Variants in IL13RA1 observed in about 807,000 individuals in gnomAD.
The protein encoded by IL13RA1 is interleukin-13 receptor subunit alpha-1.
Under a neutral mutation model 33.8 loss-of-function variants are expected in IL13RA1, and 14 were observed. The observed-to-expected ratio is 0.41, with a 90% CI of 0.27 to 0.65. IL13RA1 has a LOEUF of 0.65. Ranked by LOEUF, IL13RA1 falls within the 30% of genes least tolerant of loss-of-function variation. IL13RA1 has a pLI of 0.28. For missense variants in IL13RA1, 313 were observed against 327.0 expected (o/e 0.96, Z 0.33); for synonymous variants, 116 against 115.7 (o/e 1.00, Z -0.02).
In IL13RA1 at chrX:118,727,738, C is replaced by T. The variant is rs2017169693; in HGVS notation, c.88+12C>T. On this transcript the variant is annotated intron_variant, in intron 1 of 10. Transcript: ENST00000371666. ...CGCCGCGCCTACGGGTGAGTGCGAC[C>T]CTCGGGGCCCGAGGGGCGGCCGGAG... is the stretch of plus-strand genomic sequence containing the variant. 6.2e-6 allele frequency: 5 copies of T among 810,546 alleles called. No individual in the cohort carries two copies. Among genetic ancestry groups the T allele is most frequent in the South Asian group, 6.9e-5 (1 of 14,506 alleles). 66.8% of individuals were successfully genotyped at this position (810,546 alleles called of 1,213,427 possible). A position where few individuals can be genotyped will look rare whatever the true frequency, so the allele number is the denominator to read the frequency against.
At chrX:118,745,397 G>A (rs748123542) in intron 2 of IL13RA1, among the ~76,000 whole-genome samples, 1 of 111,562 alleles carries the variant, frequency 9.0e-6, no homozygotes, top group Non-Finnish European at 1.9e-5. Context: ...CTGCCTGTCA[G>A]GATTTTGCTC....
chrX:118,760,898 A>G (rs940119776), intron 5 of IL13RA1, among the ~76,000 whole-genome samples: 1 of 112,463 alleles, frequency 8.9e-6, no homozygotes, highest in African/African-American at 3.2e-5. Context: ...TGTCTACATT[A>G]CTTATAATAC....
chrX:118,776,493 C>A lies in IL13RA1; in HGVS notation c.1173C>A (p.Asp391Glu). Residue 391 changes from aspartate to glutamate, a missense_variant, in exon 10 of 11, where the codon GAC (aspartate) becomes GAA (glutamate). Physicochemically the swap from Asp to Glu is conservative, Grantham distance 45 (BLOSUM62 2). Coordinates refer to ENST00000371666, the MANE Select transcript of IL13RA1 (RefSeq NM_001560.3). ...PGKIFKEMFG[D>E]QNDDTLHWKK... ...AGATTTTTAAAGAAATGTTTGGAGA[C>A]CAGAATGATGATACTCTGGTAAGAA... The A allele has an allele frequency of 1.2e-6, 1 of 846,606 alleles. No homozygotes were observed. The highest frequency in any genetic ancestry group is 1.8e-6 in the Non-Finnish European group (1 of 568,960). The allele number at this position is 846,606 out of a possible 1,213,427, so 69.8% of individuals were successfully genotyped here. A position where few individuals can be genotyped will look rare whatever the true frequency, so the allele number is the denominator to read the frequency against.
At chrX:118,781,643 C>T (rs762709806) in intron 10 of IL13RA1, among the ~76,000 whole-genome samples, 2 of 112,903 alleles carry the variant, frequency 1.8e-5, no homozygotes, top group Non-Finnish European at 3.8e-5. Flanking sequence ...TGAGCCACCA[C>T]GCCCAGCCTC....
At chrX:118,742,488 A>G (rs1470456581) in intron 2 of IL13RA1, among the ~76,000 whole-genome samples, 1 of 112,461 alleles carries the variant, frequency 8.9e-6, no homozygotes, top group Non-Finnish European at 1.9e-5. Flanking sequence ...AACCCTGAGC[A>G]GAGGTTGCTT....
the IL13RA1 span, among the ~76,000 whole-genome samples, chrX:118,800,552 G>A: frequency 9.0e-6 from 1 of 111,025 alleles, no homozygotes; most frequent in African/African-American, 3.3e-5. Context: ...CTGAACATCA[G>A]AAGGGACAGA....
chrX:118,803,508 C>A, the IL13RA1 span, among the ~76,000 whole-genome samples: 1 of 111,681 alleles, frequency 9.0e-6, no homozygotes, highest in Non-Finnish European at 1.9e-5. Context: ...AACTGCAATA[C>A]CATTATCACA....
intron 2 of IL13RA1, among the ~76,000 whole-genome samples, chrX:118,741,786 G>A (rs1449290553): frequency 1.8e-5 from 2 of 110,848 alleles, no homozygotes; most frequent in African/African-American, 3.3e-5. Context: ...ACCTTCTTTC[G>A]GTGTGTATGT....
intron 10 of IL13RA1, among the ~76,000 whole-genome samples, chrX:118,784,109 ACG>A (rs1490593913): frequency 8.6e-4 from 44 of 51,311 alleles, no homozygotes; most frequent in East Asian, 6.5e-3. Flanking sequence ...ATATATATAT[ACG>A]TATATATGTA....
chrX:118,758,240 G>A lies in IL13RA1; in HGVS notation c.674G>A (p.Arg225His), dbSNP rs2017555102. Residue 225 changes from arginine to histidine, a missense_variant and splice_region_variant, in exon 5 of 11, where the codon CGT becomes CAT. Coordinates refer to ENST00000371666, the MANE Select transcript of IL13RA1 (RefSeq NM_001560.3). Reference sequence around the variant, plus strand: ...TTCAATATAGTGCCTTTAACTTCCCGTGGTAAGTTTTAGAAGTCCTCTAAA... The same window carrying A: ...TTCAATATAGTGCCTTTAACTTCCCATGGTAAGTTTTAGAAGTCCTCTAAA... ...PSFNIVPLTSRVKPDPPHIKN... is the reference protein window; with the variant it reads ...PSFNIVPLTSHVKPDPPHIKN... 4.0e-6 allele frequency: 4 copies of A among 994,064 alleles called. No individual in the cohort carries two copies. Among genetic ancestry groups the A allele is most frequent in the Non-Finnish European group, 4.2e-6 (3 of 715,148 alleles). 81.9% of individuals were successfully genotyped at this position (994,064 alleles called of 1,213,427 possible).
intron 4 of IL13RA1, among the ~76,000 whole-genome samples, chrX:118,751,889 G>A (rs959401671): frequency 2.4e-5 from 2 of 83,118 alleles, no homozygotes; most frequent in African/African-American, 1.1e-4. Flanking sequence ...GCTATATCAT[G>A]GAATAGAATG....
chrX:118,765,538 C>T (rs1053495218), intron 6 of IL13RA1, among the ~76,000 whole-genome samples: 6 of 112,156 alleles, frequency 5.3e-5, no homozygotes, highest in African/African-American at 1.9e-4. Context: ...TGTGAATATA[C>T]CATACTTTAT....
At chrX:118,766,417 G>A in intron 6 of IL13RA1, 113 bp from the exon 7 acceptor site, 1 of 426,108 alleles carries the variant, frequency 2.3e-6, no homozygotes, top group Non-Finnish European at 4.0e-6. Flanking sequence ...CACTGTACCT[G>A]ATCATCTTTT....
rs2018005313 is a variant in IL13RA1 at position 118,793,958 on chromosome X, A to G, written c.*2104A>G. The G allele has an allele frequency of 8.9e-6, 1 of 112,383 alleles. No individual in the cohort carries two copies. Among genetic ancestry groups the G allele is most frequent in the Non-Finnish European group, 1.9e-5 (1 of 53,256 alleles). The allele number at this position is 112,383 out of a possible 1,213,427, so 9.3% of individuals were successfully genotyped here. A position where few individuals can be genotyped will look rare whatever the true frequency, so the allele number is the denominator to read the frequency against. On this transcript the variant is annotated 3_prime_UTR_variant, in exon 11 of 11. Transcript: ENST00000371666. The stretch of plus-strand genomic sequence containing the variant: ...TAGAAAGAATATTTGGTTTTCCTGT[A>G]TAGGAATGAGATTAATTCCTTTCCA...
intron 8 of IL13RA1, among the ~76,000 whole-genome samples, chrX:118,772,020 T>C (rs1159384430): frequency 8.9e-6 from 1 of 112,446 alleles, no homozygotes; most frequent in African/African-American, 3.2e-5. Context: ...AACTAGTTGG[T>C]GTACAGATTT....
intron 2 of IL13RA1, 69 bp downstream of exon 2, chrX:118,741,225 C>A: frequency 1.5e-6 from 1 of 677,817 alleles, no homozygotes; most frequent in Non-Finnish European, 2.3e-6. Flanking sequence ...CAAGAATAAG[C>A]CAAATTCTAG....
At chrX:118,800,189 A>G in the IL13RA1 span, among the ~76,000 whole-genome samples, 1 of 111,361 alleles carries the variant, frequency 9.0e-6, no homozygotes, top group Non-Finnish European at 1.9e-5. Context: ...AAAACAGGCC[A>G]CTGGGCTCTA....
chrX:118,794,945 G>A (rs1044411499), downstream of IL13RA1, among the ~76,000 whole-genome samples: 4 of 111,389 alleles, frequency 3.6e-5, no homozygotes, highest in African/African-American at 1.3e-4. Flanking sequence ...GTTTTTGACT[G>A]GACGCAGTGG....
the IL13RA1 span, among the ~76,000 whole-genome samples, chrX:118,803,609 C>A: frequency 8.9e-6 from 1 of 111,818 alleles, no homozygotes; most frequent in African/African-American, 3.3e-5. Flanking sequence ...TTTTTTCCTA[C>A]AATTTGCTTG....
Sources: allele counts gnomAD v4.1 joint callset (sites outside exome capture counted in the v4.1 genomes callset), GRCh38; gene constraint gnomAD v4.1.1; transcripts MANE v1.5; gene names NCBI Gene and HGNC (gene_info 2026-07-23, HGNC 2026-07-21).